The following DPF3 variants were observed in gnomAD, a reference collection of about 807,000 sequenced individuals.
The protein encoded by DPF3 is zinc finger protein DPF3.
Under a neutral mutation model 56.8 loss-of-function variants are expected in DPF3, and 18 were observed. The observed-to-expected ratio is 0.32, with a 90% CI of 0.22 to 0.47. The LOEUF (loss-of-function observed/expected upper bound fraction) is 0.47, where lower values mean the gene tolerates loss of function less well. DPF3 is among the 20% of genes least tolerant of loss of function. The pLI is 1.00. For synonymous variants in DPF3, 188 were observed against 180.2 expected (o/e 1.04, Z -0.35); for missense variants, 403 against 488.8 (o/e 0.82, Z 1.65).
At chr14:72,814,789 G>C (rs989816569) in intron 1 of DPF3, among the ~76,000 whole-genome samples, 2 of 150,764 alleles carry the variant, frequency 1.3e-5, no homozygotes, top group Non-Finnish European at 2.9e-5. Flanking sequence ...CAGCCTAGGC[G>C]ACAGAGCGAG....
At chr14:72,646,588 C>G (rs1567188356) in intron 8 of DPF3, among the ~76,000 whole-genome samples, 2 of 152,160 alleles carry the variant, frequency 1.3e-5, no homozygotes, top group South Asian at 2.1e-4. Flanking sequence ...AAGTTCTTAG[C>G]CCCTGATGAC....
At position 72,618,236 on chromosome 14, in the gene DPF3, A is replaced by C. The variant is rs1884209236; in HGVS notation, c.*1061T>G. On this transcript the variant is annotated 3_prime_UTR_variant, in exon 11 of 11. Transcript: ENST00000556509. ...ATCCTAAAATTCCCAGTCAGGTCTCAGTAGACAATAGCGAACAAACACTAC... is the reference window on the plus strand; with the variant it reads ...ATCCTAAAATTCCCAGTCAGGTCTCCGTAGACAATAGCGAACAAACACTAC... 6.6e-6 allele frequency among the ~76,000 whole-genome samples: 1 copy of C among 152,244 alleles called. No homozygotes were observed. Among genetic ancestry groups the C allele is most frequent in the South Asian group, 2.1e-4 (1 of 4,822 alleles).
chr14:72,735,681 T>C (rs1413586200), intron 3 of DPF3, among the ~76,000 whole-genome samples: 1 of 152,204 alleles, frequency 6.6e-6, no homozygotes, highest in East Asian at 1.9e-4. Flanking sequence ...TTTGCTCCCA[T>C]AGGTTCTGCC....
At chr14:72,871,746 G>C (rs10146140) in intron 1 of DPF3, among the ~76,000 whole-genome samples, 140,415 of 152,308 alleles carry the variant, frequency 0.92, 65,066 homozygotes, top group East Asian at 1. Context: ...TCCCTCCTGC[G>C]TACTTTCACA....
At chr14:72,645,111 G>A (rs1437296200) in intron 8 of DPF3, among the ~76,000 whole-genome samples, 3 of 152,280 alleles carry the variant, frequency 2.0e-5, no homozygotes, top group Middle Eastern at 3.4e-3. Flanking sequence ...TGAGAATTAA[G>A]GACTCACATC....
chr14:72,863,323 T>C lies in DPF3; in HGVS notation c.32+30734A>G, dbSNP rs189216418. 2.0e-5 allele frequency among the ~76,000 whole-genome samples: 3 copies of C among 151,934 alleles called. No individual in the cohort carries two copies. The East Asian group carries it at 5.8e-4, about 29-fold the overall frequency. ...CCCCGGCCCAAAGCTGGAAACTGTG[T>C]GCTCAGTGGACTCAGGAGGAGTTGC... On this transcript the variant is annotated intron_variant, in intron 1 of 10. Transcript: ENST00000556509.
intron 1 of DPF3, among the ~76,000 whole-genome samples, chr14:72,887,152 AACACACACACAC>A (rs149200705): frequency 6.2e-4 from 86 of 138,138 alleles, no homozygotes; most frequent in Middle Eastern, 3.7e-3. Context: ...TCTGCCTCCA[AACACACACACAC>A]ACACACACAC....
At chr14:72,806,434 T>G (rs947982082) in intron 1 of DPF3, among the ~76,000 whole-genome samples, 1 of 152,122 alleles carries the variant, frequency 6.6e-6, no homozygotes, top group African/African-American at 2.4e-5. Context: ...ACCCAGTCCT[T>G]AGTCCTCTGC....
At chr14:72,869,162 C>A (rs1885797026) in intron 1 of DPF3, among the ~76,000 whole-genome samples, 2 of 152,236 alleles carry the variant, frequency 1.3e-5, no homozygotes, top group Non-Finnish European at 2.9e-5. Context: ...AATGTTTCCT[C>A]TTCAAGGAAA....
intron 2 of DPF3, among the ~76,000 whole-genome samples, chr14:72,754,985 G>T (rs1369695982): frequency 1.3e-5 from 2 of 152,162 alleles, no homozygotes; most frequent in Admixed American, 6.5e-5. Context: ...ATGACCATTG[G>T]CCCTGCTGTT....
intron 7 of DPF3, among the ~76,000 whole-genome samples, chr14:72,692,192 C>A (rs911458450): frequency 6.6e-6 from 1 of 152,184 alleles, no homozygotes; most frequent in African/African-American, 2.4e-5. Context: ...GAGTTGTTCA[C>A]TTTCAGAACA....
intron 1 of DPF3, among the ~76,000 whole-genome samples, chr14:72,793,109 T>C (rs1019704331): frequency 6.6e-6 from 1 of 152,206 alleles, no homozygotes; most frequent in African/African-American, 2.4e-5. Flanking sequence ...AATTAATTTA[T>C]GGAGAAACTC....
chr14:72,799,639 G>A (rs1206693505), intron 1 of DPF3, among the ~76,000 whole-genome samples: 4 of 150,028 alleles, frequency 2.7e-5, no homozygotes, highest in African/African-American at 9.8e-5. Flanking sequence ...GATCATATAT[G>A]TATATATATA....
intron 6 of DPF3, among the ~76,000 whole-genome samples, chr14:72,706,214 C>A (rs1167032341): frequency 6.6e-6 from 1 of 152,158 alleles, no homozygotes; most frequent in African/African-American, 2.4e-5. Context: ...CTGGGCACAC[C>A]CATCCACCCC....
At chr14:72,763,531 T>TATCC (rs1891143668) in intron 2 of DPF3, among the ~76,000 whole-genome samples, 1 of 152,120 alleles carries the variant, frequency 6.6e-6, no homozygotes, top group Non-Finnish European at 1.5e-5. Flanking sequence ...AACAATTGAA[T>TATCC]ATCCATCTGC....
chr14:72,871,234 A>G (rs577188471), intron 1 of DPF3, among the ~76,000 whole-genome samples: 1 of 152,214 alleles, frequency 6.6e-6, no homozygotes, highest in Non-Finnish European at 1.5e-5. Context: ...GTGGGGACAC[A>G]GCCAAACCAT....
intron 1 of DPF3, among the ~76,000 whole-genome samples, chr14:72,876,613 C>T (rs1326956012): frequency 6.6e-6 from 1 of 152,182 alleles, no homozygotes; most frequent in African/African-American, 2.4e-5. Context: ...GCCTTCCTTC[C>T]CTCAGAAAGG....
intron 1 of DPF3, among the ~76,000 whole-genome samples, chr14:72,786,111 A>T (rs1892198009): frequency 6.6e-6 from 1 of 152,118 alleles, no homozygotes; most frequent in Admixed American, 6.5e-5. Flanking sequence ...AAAATACAAA[A>T]AATTAGCCAG....
Position 72,662,132 on chromosome 14 carries a change from T to C in DPF3, c.871+12108A>G, listed in dbSNP as rs2153569356. ...CAATCATTTAACATCACCAACACTT[T>C]CAATAGACTTTTGAAGGAGGAAAAA... On this transcript the variant is annotated intron_variant, in intron 8 of 10. Transcript: ENST00000556509. 6 of 985,300 alleles carry C rather than the reference T, an allele frequency of 6.1e-6. No individual in the cohort carries two copies. The South Asian group carries it at 2.8e-4, about 46-fold the overall frequency. The allele number at this position is 985,300 out of a possible 1,614,324, so 61.0% of individuals were successfully genotyped here.
Sources: gnomAD v4.1 joint callset for allele counts (sites outside exome capture counted in the v4.1 genomes callset) on GRCh38, gnomAD v4.1.1 for gene constraint, MANE v1.5 for transcripts, NCBI Gene and HGNC (gene_info 2026-07-23, HGNC 2026-07-21) for gene names.